Variants in CYLD observed in about 807,000 individuals in gnomAD.
CYLD encodes the protein CYLD lysine 63 deubiquitinase.
A neutral mutation model predicts 104.5 loss-of-function variants in CYLD; 26 were observed. That is an observed-to-expected ratio of 0.25 (90% confidence interval 0.18 to 0.35). The LOEUF is 0.35. Ranked by LOEUF, CYLD falls within the 10% of genes least tolerant of loss-of-function variation. CYLD has a pLI of 1.00. For missense variants in CYLD, 703 were observed against 1,136.1 expected (o/e 0.62, Z 5.48); for synonymous variants, 385 against 399.9 (o/e 0.96, Z 0.45).
intron 10 of CYLD, 106 bp downstream of exon 10, chr16:50,781,517 C>A: frequency 7.2e-7 from 1 of 1,379,492 alleles, no homozygotes; most frequent in Non-Finnish European, 1.0e-6. Context: ...ATATTTCTTG[C>A]CAACGCTCAT....
At chr16:50,793,992 A>G (rs1971708864) in intron 17 of CYLD, among the ~76,000 whole-genome samples, 1 of 149,288 alleles carries the variant, frequency 6.7e-6, no homozygotes, top group Non-Finnish European at 1.5e-5. Flanking sequence ...CAGTGGCACG[A>G]TCTCGGCCCA....
chr16:50,765,016 C>G (rs1968344097), intron 5 of CYLD, among the ~76,000 whole-genome samples: 1 of 152,142 alleles, frequency 6.6e-6, no homozygotes, highest in South Asian at 2.1e-4. Flanking sequence ...CAGGGATAAC[C>G]AATTCTATGC....
intron 5 of CYLD, among the ~76,000 whole-genome samples, chr16:50,774,346 G>A (rs1194159930): frequency 6.6e-6 from 1 of 152,112 alleles, no homozygotes; most frequent in Non-Finnish European, 1.5e-5. Flanking sequence ...ATACTTCCAA[G>A]ACCCCCAGTG....
At position 50,756,870 on chromosome 16, in the gene CYLD, C is replaced by T. The variant is rs534502066; in HGVS notation, c.913+2446C>T. 8.5e-5 allele frequency among the ~76,000 whole-genome samples: 13 copies of T among 152,256 alleles called. No homozygotes were observed. The East Asian group carries it at 2.3e-3, about 27-fold the overall frequency. ...ACCAAAATCAAAGTAAATAGTAGAG[C>T]CAGAATTTAAATCCACACCTGTCTG... is the stretch of plus-strand genomic sequence containing the variant. On this transcript the variant is annotated intron_variant, in intron 5 of 18. Coordinates refer to ENST00000427738, the MANE Select transcript of CYLD (RefSeq NM_001378743.1).
rs748563836 is a variant in CYLD, at chr16:50,751,711, CAT to C, written c.614_615del (p.Ile205ArgfsTer3). On this transcript the variant is annotated frameshift_variant, in exon 4 of 19. Transcript: ENST00000427738. LOFTEE classifies it high-confidence loss of function. ...TTGTTGCATTGGACAAGCTAGAACT[CAT>C]AGAAGATGATGACACTGCATTGGAA... Reference protein sequence around the residue: ...VFVALDKLELIEDDDTALESD... With the variant: ...VFVALDKLELXEDDDTALESD... 6.2e-7 allele frequency: 1 copy of C among 1,613,810 alleles called. No homozygotes were observed. The highest frequency in any genetic ancestry group is 8.5e-7 in the Non-Finnish European group (1 of 1,179,842).
At position 50,751,964 on chromosome 16, in the gene CYLD, G is replaced by GTATA. The variant is rs778588431; in HGVS notation, c.807+69_807+72dup. 3.8e-5 allele frequency: 19 copies of GTATA among 504,234 alleles called. No homozygotes were observed. The East Asian group carries it at 8.6e-4, about 23-fold the overall frequency. The allele number at this position is 504,234 out of a possible 1,614,324, so 31.2% of individuals were successfully genotyped here. ...TATATATATTAGTTTATATATATAT[G>GTATA]TATATATATATATAAACATATATAT... On this transcript the variant is annotated intron_variant, in intron 4 of 18. Transcript: ENST00000427738.
At chr16:50,782,916 A>ATT (rs386384680) in intron 11 of CYLD, among the ~76,000 whole-genome samples, 25,300 of 87,706 alleles carry the variant, frequency 0.29, 6,250 homozygotes, top group Non-Finnish European at 0.35. Context: ...ACAACTTAAG[A>ATT]TTTTTTTTTT....
intron 13 of CYLD, chr16:50,787,584 A>G (rs903305846): frequency 1.2e-5 from 6 of 501,554 alleles, no homozygotes; most frequent in Non-Finnish European, 1.8e-5. Flanking sequence ...AACAAAATTG[A>G]AACATAATAC....
At position 50,750,009 on chromosome 16, in the gene CYLD, C is replaced by T; in HGVS notation, c.311C>T (p.Thr104Ile). ...TTCACAGAGTTACTTTTGGCAATTACCAATTGTGAGGAGAGGTTCAGCCTG... is the reference window on the plus strand; with the variant it reads ...TTCACAGAGTTACTTTTGGCAATTATCAATTGTGAGGAGAGGTTCAGCCTG... ...EKFTELLLAI[T>I]NCEERFSLFK... is the part of the protein sequence containing the mutation. Residue 104 changes from threonine to isoleucine, a missense_variant, in exon 3 of 19, where the codon ACC (threonine) becomes ATC (isoleucine). Thr to Ile is a moderately conservative substitution (Grantham distance 89, BLOSUM62 -1). Coordinates refer to ENST00000427738, the MANE Select transcript of CYLD (RefSeq NM_001378743.1). The T allele has an allele frequency of 1.2e-6, 2 of 1,614,090 alleles. No homozygotes were observed. The highest frequency in any genetic ancestry group is 8.5e-7 in the Non-Finnish European group (1 of 1,179,978).
intron 8 of CYLD, 76 bp from the exon 9 acceptor site, chr16:50,779,589 G>A: frequency 6.8e-7 from 1 of 1,472,918 alleles, no homozygotes. Context: ...GACTAGATCT[G>A]TATATAAATT....
chr16:50,787,316 G>A (rs909862953), intron 13 of CYLD: 49 of 294,010 alleles, frequency 1.7e-4, no homozygotes, highest in African/African-American at 1.1e-3. Context: ...GAGTTAGAAA[G>A]CTGCTAACTA....
intron 5 of CYLD, among the ~76,000 whole-genome samples, chr16:50,762,146 C>T (rs541833331): frequency 6.6e-6 from 1 of 152,200 alleles, no homozygotes; most frequent in Non-Finnish European, 1.5e-5. Context: ...CACCAAGCAA[C>T]CTCCCATCAT....
intron 5 of CYLD, among the ~76,000 whole-genome samples, chr16:50,755,135 ACG>A (rs1320564421): frequency 4.5e-5 from 6 of 132,420 alleles, no homozygotes; most frequent in African/African-American, 9.3e-5. Context: ...ATATATACAC[ACG>A]TGTACATATG....
At position 50,749,592 on chromosome 16, in the gene CYLD, C is replaced by A; in HGVS notation, c.-107C>A. ...TTTTTACAGCATGGACACCACGTTGCTGAAAACATGCTTTGGGACTGCCAC... is the reference window on the plus strand; with the variant it reads ...TTTTTACAGCATGGACACCACGTTGATGAAAACATGCTTTGGGACTGCCAC... On this transcript the variant is annotated 5_prime_UTR_variant, in exon 3 of 19. In the 5' UTR this introduces an upstream ATG that the reference lacks. Coordinates refer to ENST00000427738, the MANE Select transcript of CYLD (RefSeq NM_001378743.1). 8.6e-7 allele frequency: 1 copy of A among 1,168,780 alleles called. No individual in the cohort carries two copies. The highest frequency in any genetic ancestry group is 1.2e-6 in the Non-Finnish European group (1 of 815,258). The allele number at this position is 1,168,780 out of a possible 1,614,324, so 72.4% of individuals were successfully genotyped here. A position where few individuals can be genotyped will look rare whatever the true frequency, so the allele number is the denominator to read the frequency against.
At chr16:50,755,080 TACAC>T (rs1396213268) in intron 5 of CYLD, among the ~76,000 whole-genome samples, 1 of 114,292 alleles carries the variant, frequency 8.7e-6, no homozygotes, top group African/African-American at 4.5e-5. Flanking sequence ...TGTATACATA[TACAC>T]ACATATATAC....
chr16:50,777,206 G>A (rs1408723708), intron 7 of CYLD, among the ~76,000 whole-genome samples: 1 of 152,106 alleles, frequency 6.6e-6, no homozygotes, highest in African/African-American at 2.4e-5. Context: ...ACTGTGTGTG[G>A]TATGTCCTTG....
rs3064638 is a variant in CYLD, at chr16:50,793,115, T to TACACAC, written c.2351-403_2351-398dup. ...GATATATTCTACAAAAGGAGCCATA[T>TACACAC]ACACACACACACACACACACACACA... On this transcript the variant is annotated intron_variant, in intron 16 of 18. Coordinates refer to ENST00000427738, the MANE Select transcript of CYLD (RefSeq NM_001378743.1). Among the ~76,000 whole-genome samples the TACACAC allele has an allele frequency of 1.6e-3, 225 of 145,140 alleles. 1 individual carries two copies. Among genetic ancestry groups the TACACAC allele is most frequent in the African/African-American group, 4.4e-3 (176 of 40,398 alleles).
In CYLD at chr16:50,797,943, A is replaced by C. The variant is rs1448333324; in HGVS notation, c.*1435A>C. ...AATATTTTCATTTTTGAAGTGAAAA[A>C]GTACATATATTTTGCACAAGGTTTT... On this transcript the variant is annotated 3_prime_UTR_variant, in exon 19 of 19. Coordinates refer to ENST00000427738, the MANE Select transcript of CYLD (RefSeq NM_001378743.1). The C allele has an allele frequency of 4.3e-6, 1 of 232,002 alleles. No homozygotes were observed. 14.4% of individuals were successfully genotyped at this position (232,002 alleles called of 1,614,324 possible).
intron 2 of CYLD, among the ~76,000 whole-genome samples, chr16:50,749,073 G>A (rs1966424086): frequency 6.6e-6 from 1 of 152,068 alleles, no homozygotes; most frequent in Admixed American, 6.6e-5. Context: ...GTGGTGATAT[G>A]CGTCTATAAT....
Sources: allele counts gnomAD v4.1 joint callset (sites outside exome capture counted in the v4.1 genomes callset), GRCh38; gene constraint gnomAD v4.1.1; transcripts MANE v1.5; gene names NCBI Gene and HGNC (gene_info 2026-07-23, HGNC 2026-07-21).